The following TPTE variants were observed in gnomAD, a reference collection of about 807,000 sequenced individuals.
TPTE encodes putative tyrosine-protein phosphatase TPTE.
Under a neutral mutation model 84.1 loss-of-function variants are expected in TPTE, and 59 were observed. The ratio of observed to expected loss-of-function variants is 0.70; its 90% CI spans 0.57 to 0.87. The LOEUF is 0.87. TPTE is among the 40% of genes least tolerant of loss of function. TPTE has a pLI of 0.00. For missense variants in TPTE, 382 were observed against 659.6 expected, an observed-to-expected ratio of 0.58 and a Z score of 4.61; for synonymous variants, 130 against 223.5, an observed-to-expected ratio of 0.58 and a Z score of 3.73.
chr21:10,535,385 G>C (rs2074249915), intron 3 of TPTE, among the ~76,000 whole-genome samples: 1 of 152,310 alleles, frequency 6.6e-6, no homozygotes, highest in South Asian at 2.1e-4. Flanking sequence ...GAAAGAGAAA[G>C]AGAAGTTGAT....
intron 8 of TPTE, among the ~76,000 whole-genome samples, chr21:10,555,137 T>A (rs2074656833): frequency 6.6e-6 from 1 of 152,312 alleles, no homozygotes; most frequent in African/African-American, 2.4e-5. Flanking sequence ...ATAGTTAATA[T>A]TTCTGCTTTT....
At chr21:10,561,607 C>T (rs212128) in intron 10 of TPTE, among the ~76,000 whole-genome samples, 1 of 152,284 alleles carries the variant, frequency 6.6e-6, no homozygotes, top group African/African-American at 2.4e-5. Context: ...GTACCCCCCC[C>T]ATGTCCTGTG....
chr21:10,562,285 C>G (rs113259541), intron 10 of TPTE, among the ~76,000 whole-genome samples: 1 of 151,776 alleles, frequency 6.6e-6, no homozygotes, highest in African/African-American at 2.4e-5. Flanking sequence ...CAAGCCCTGA[C>G]AGTGAAAACT....
At chr21:10,581,972 T>G (rs2075279253) in intron 17 of TPTE, among the ~76,000 whole-genome samples, 1 of 152,308 alleles carries the variant, frequency 6.6e-6, no homozygotes, top group Admixed American at 6.5e-5. Flanking sequence ...TGGACTCAAG[T>G]GATCCACCCA....
chr21:10,564,282 G>T (rs1404245966), intron 10 of TPTE, among the ~76,000 whole-genome samples: 68 of 152,398 alleles, frequency 4.5e-4, no homozygotes, highest in South Asian at 2.1e-4. Context: ...GGCAGAGGCG[G>T]GTGGTTTACT....
At chr21:10,553,145 C>T (rs1326663284) in intron 8 of TPTE, among the ~76,000 whole-genome samples, 1 of 152,302 alleles carries the variant, frequency 6.6e-6, no homozygotes, top group African/African-American at 2.4e-5. Context: ...CTAAAGACCT[C>T]TTTATGCTCA....
intron 8 of TPTE, among the ~76,000 whole-genome samples, chr21:10,553,160 G>C (rs2074613125): frequency 6.6e-6 from 1 of 152,422 alleles, no homozygotes; most frequent in East Asian, 1.9e-4. Flanking sequence ...TGCTCATTGG[G>C]ATTTTATTCT....
chr21:10,597,339 G>A (rs2075606682), intron 20 of TPTE, among the ~76,000 whole-genome samples: 1 of 152,366 alleles, frequency 6.6e-6, no homozygotes, highest in African/African-American at 2.4e-5. Flanking sequence ...ATGATTAGAA[G>A]TCTGAAGAAA....
chr21:10,582,310 G>GT (rs1419885238), intron 17 of TPTE, among the ~76,000 whole-genome samples: 1 of 152,308 alleles, frequency 6.6e-6, no homozygotes, highest in Non-Finnish European at 1.5e-5. Flanking sequence ...ATCCCTCTCA[G>GT]TAATATACCA....
At chr21:10,603,846 C>T (rs1253148129) in intron 23 of TPTE, among the ~76,000 whole-genome samples, 4 of 152,424 alleles carry the variant, frequency 2.6e-5, no homozygotes, top group Middle Eastern at 6.8e-3. Context: ...CCTCAGGGTC[C>T]ATGCCATAGG....
chr21:10,597,128 C>A (rs1388896281), intron 20 of TPTE, among the ~76,000 whole-genome samples: 1 of 152,310 alleles, frequency 6.6e-6, no homozygotes, highest in Admixed American at 6.5e-5. Context: ...GAAACCAAGT[C>A]TTTGAGGAAA....
chr21:10,570,462 A>C (rs766099188), intron 13 of TPTE, 23 bp from the exon 14 acceptor site: 3 of 1,614,012 alleles, frequency 1.9e-6, no homozygotes, highest in Middle Eastern at 1.6e-4. Context: ...AATGTTTGTA[A>C]TAGTGATGAT....
At chr21:10,598,746 T>C (rs1321300641) in intron 21 of TPTE, among the ~76,000 whole-genome samples, 2 of 152,300 alleles carry the variant, frequency 1.3e-5, no homozygotes, top group Non-Finnish European at 2.9e-5. Flanking sequence ...ACTATATACC[T>C]TTTCTGAAAC....
intron 8 of TPTE, among the ~76,000 whole-genome samples, chr21:10,555,876 G>A (rs160014): frequency 0.2 from 28,584 of 144,782 alleles, 52 homozygotes; most frequent in African/African-American, 0.44. Context: ...AACTGGACTC[G>A]TACCTGTGAA....
At chr21:10,577,209 T>C (rs1197515275) in intron 14 of TPTE, among the ~76,000 whole-genome samples, 1 of 152,310 alleles carries the variant, frequency 6.6e-6, no homozygotes, top group African/African-American at 2.4e-5. Flanking sequence ...AATTTACTTA[T>C]CTGATAGCTT....
intron 7 of TPTE, among the ~76,000 whole-genome samples, chr21:10,546,754 ACT>A (rs2145632929): frequency 6.6e-6 from 1 of 152,422 alleles, no homozygotes; most frequent in South Asian, 2.1e-4. Context: ...CAAGGCCCTC[ACT>A]CTCTTTGATT....
At chr21:10,565,687 C>A (rs1305525377) in intron 10 of TPTE, among the ~76,000 whole-genome samples, 2 of 152,306 alleles carry the variant, frequency 1.3e-5, no homozygotes, top group African/African-American at 4.8e-5. Context: ...AATAGAGAAC[C>A]CAGAAACAAA....
chr21:10,530,151 A>G (rs2074151926), intron 3 of TPTE, among the ~76,000 whole-genome samples: 1 of 152,300 alleles, frequency 6.6e-6, no homozygotes, highest in African/African-American at 2.4e-5. Context: ...ACATGTTCCC[A>G]TCACTTTTTG....
intron 3 of TPTE, among the ~76,000 whole-genome samples, chr21:10,527,690 G>A (rs375221378): frequency 5.9e-5 from 9 of 152,426 alleles, no homozygotes; most frequent in African/African-American, 1.9e-4. Context: ...GAAAGAAGGT[G>A]GTAGCATTGG....
Sources: allele counts gnomAD v4.1 joint callset (sites outside exome capture counted in the v4.1 genomes callset), GRCh38; gene constraint gnomAD v4.1.1; transcripts MANE v1.5; gene names NCBI Gene and HGNC (gene_info 2026-07-23, HGNC 2026-07-21).